CNTNAP2: variants seen among roughly 807,000 people sequenced by gnomAD.
CNTNAP2 encodes contactin associated protein 2.
In CNTNAP2, 98 loss-of-function variants were observed where a neutral mutation model predicts 155.2. The ratio of observed to expected loss-of-function variants is 0.63; its 90% confidence interval spans 0.54 to 0.75. The LOEUF is 0.75. Ranked by LOEUF, CNTNAP2 falls within the 30% of genes least tolerant of loss-of-function variation. CNTNAP2 has a pLI of 0.00. For missense variants in CNTNAP2, 1,727 were observed against 1,688.1 expected (o/e 1.02, Z -0.40); for synonymous variants, 651 against 631.2 (o/e 1.03, Z -0.47).
chr7:148,270,689 C>T (rs139828817), intron 21 of CNTNAP2, among the ~76,000 whole-genome samples: 14 of 152,282 alleles, frequency 9.2e-5, no homozygotes, highest in Non-Finnish European at 1.3e-4. Flanking sequence ...CAGTAAGATT[C>T]GCACAGAGGT....
intron 11 of CNTNAP2, among the ~76,000 whole-genome samples, chr7:147,488,961 T>A (rs550590397): frequency 3.3e-5 from 5 of 152,374 alleles, no homozygotes; most frequent in African/African-American, 9.6e-5. Flanking sequence ...AATAAATTTT[T>A]GTCATTTCAT....
Position 146,566,923 on chromosome 7 carries a change from C to A in CNTNAP2, c.98-207348C>A, listed in dbSNP as rs555635118. 1.3e-3 allele frequency among the ~76,000 whole-genome samples: 191 copies of A among 152,200 alleles called. 2 individuals carry two copies. The highest frequency in any genetic ancestry group is 3.4e-3 in the Middle Eastern group (1 of 294). On this transcript the variant is annotated intron_variant, in intron 1 of 23. Coordinates refer to ENST00000361727, the MANE Select transcript of CNTNAP2 (RefSeq NM_014141.6). ...CATCCTCTGACACACATACATACCT[C>A]ATTGTATTTATTTACTTATTTATTT...
intron 8 of CNTNAP2, among the ~76,000 whole-genome samples, chr7:147,259,725 G>A (rs145799401): frequency 2.4e-3 from 370 of 152,284 alleles, no homozygotes; most frequent in Non-Finnish European, 3.7e-3. Context: ...CAAAGGTTGA[G>A]GCTGTTTTGT....
At position 147,975,755 on chromosome 7, in the gene CNTNAP2, A is replaced by G. The variant is rs550562161; in HGVS notation, c.2256-2107A>G. On this transcript the variant is annotated intron_variant, in intron 14 of 23. Coordinates refer to ENST00000361727, the MANE Select transcript of CNTNAP2 (RefSeq NM_014141.6). ...GTTTCTTTGCATTTATTCTCAGTAC[A>G]TATTTTTGCCCCCTCTTTGGTCCCT... Among the ~76,000 whole-genome samples the G allele has an allele frequency of 6.6e-5, 10 of 152,286 alleles. No homozygotes were observed. The East Asian group carries it at 1.3e-3, about 21-fold the overall frequency.
At chr7:146,529,455 T>A (rs1018932467) in intron 1 of CNTNAP2, among the ~76,000 whole-genome samples, 4 of 152,170 alleles carry the variant, frequency 2.6e-5, no homozygotes, top group Non-Finnish European at 5.9e-5. Flanking sequence ...TCTAGGGTGA[T>A]AATTCAGAGC....
intron 4 of CNTNAP2, among the ~76,000 whole-genome samples, chr7:147,094,407 T>TTC (rs1800480969): frequency 6.7e-6 from 1 of 149,476 alleles, no homozygotes; most frequent in Non-Finnish European, 1.5e-5. Context: ...TCCTTTTTTT[T>TTC]TTTTTTTTCT....
At chr7:147,431,636 C>T (rs113241722) in intron 10 of CNTNAP2, among the ~76,000 whole-genome samples, 120 of 152,278 alleles carry the variant, frequency 7.9e-4, no homozygotes, top group African/African-American at 2.6e-3. Context: ...CACTAATGAC[C>T]GCCATGTCTC....
intron 15 of CNTNAP2, among the ~76,000 whole-genome samples, chr7:148,010,453 T>C (rs927172496): frequency 2.0e-5 from 3 of 151,958 alleles, no homozygotes; most frequent in African/African-American, 7.2e-5. Flanking sequence ...ATGCCTTTTT[T>C]CTTTTATGAT....
chr7:146,760,409 C>CTTTTTTTTTTTTGT (rs1802074501), intron 1 of CNTNAP2, among the ~76,000 whole-genome samples: 1 of 56,276 alleles, frequency 1.8e-5, no homozygotes, highest in African/African-American at 8.5e-5. Context: ...TCCAATTTAC[C>CTTTTTTTTTTTTGT]TTTTTTTTTT....
chr7:147,756,438 A>C (rs921786575), intron 13 of CNTNAP2, among the ~76,000 whole-genome samples: 2 of 152,228 alleles, frequency 1.3e-5, no homozygotes, highest in Non-Finnish European at 2.9e-5. Flanking sequence ...TCTTGACCAA[A>C]GTCACACAGA....
At chr7:147,441,886 TCTCTGTTCTGAGCCA>T (rs1197282414) in intron 10 of CNTNAP2, among the ~76,000 whole-genome samples, 1 of 131,262 alleles carries the variant, frequency 7.6e-6, no homozygotes, top group Non-Finnish European at 1.6e-5. Context: ...CCTCCGTCTC[TCTCTGTTCTGAGCCA>T]CGTGGAGCTG....
intron 3 of CNTNAP2, among the ~76,000 whole-genome samples, chr7:146,896,758 A>T (rs1005026897): frequency 6.6e-6 from 1 of 152,050 alleles, no homozygotes; most frequent in African/African-American, 2.4e-5. Flanking sequence ...TAATTAGTTT[A>T]TTTTCTTCTG....
chr7:147,582,001 A>G (rs1800511010), intron 12 of CNTNAP2, among the ~76,000 whole-genome samples: 1 of 152,172 alleles, frequency 6.6e-6, no homozygotes, highest in Admixed American at 6.5e-5. Context: ...TTAGAAGAAA[A>G]AGATATAAAG....
chr7:146,350,745 C>T (rs1794901158), intron 1 of CNTNAP2, among the ~76,000 whole-genome samples: 1 of 151,956 alleles, frequency 6.6e-6, no homozygotes, highest in South Asian at 2.1e-4. Flanking sequence ...TTTATTGCGG[C>T]ACTATTCACA....
At chr7:146,666,618 G>A (rs1222450117) in intron 1 of CNTNAP2, among the ~76,000 whole-genome samples, 1 of 152,116 alleles carries the variant, frequency 6.6e-6, no homozygotes, top group South Asian at 2.1e-4. Flanking sequence ...CCCACCAACA[G>A]TGTATATGAG....
intron 3 of CNTNAP2, among the ~76,000 whole-genome samples, chr7:146,984,171 C>T (rs2129237441): frequency 6.6e-6 from 1 of 151,958 alleles, no homozygotes; most frequent in Middle Eastern, 3.4e-3. Context: ...AGTTCGAGAC[C>T]AGCCTGATCA....
chr7:146,634,467 T>G (rs1288906612), intron 1 of CNTNAP2, among the ~76,000 whole-genome samples: 2 of 152,184 alleles, frequency 1.3e-5, no homozygotes, highest in Non-Finnish European at 2.9e-5. Flanking sequence ...AATTCAAACA[T>G]CAATAGAGAG....
chr7:146,639,302 G>T (rs140729700), intron 1 of CNTNAP2, among the ~76,000 whole-genome samples: 1 of 152,176 alleles, frequency 6.6e-6, no homozygotes, highest in East Asian at 1.9e-4. Context: ...ACCGGAAAAA[G>T]CATGATGTGA....
intron 8 of CNTNAP2, among the ~76,000 whole-genome samples, chr7:147,215,576 T>C (rs938333213): frequency 2.0e-5 from 3 of 152,212 alleles, no homozygotes; most frequent in Admixed American, 2.0e-4. Context: ...ACAGTTCATT[T>C]ATCCATTCAC....
Sources: gnomAD v4.1 joint callset for allele counts (sites outside exome capture counted in the v4.1 genomes callset) on GRCh38, gnomAD v4.1.1 for gene constraint, MANE v1.5 for transcripts, NCBI Gene and HGNC (gene_info 2026-07-23, HGNC 2026-07-21) for gene names.